ZFAND3: variants seen among roughly 807,000 people sequenced by gnomAD.
The protein encoded by ZFAND3 is AN1-type zinc finger protein 3.
Under a neutral mutation model 29.6 loss-of-function variants are expected in ZFAND3, and 10 were observed. The observed-to-expected ratio is 0.34, with a 90% CI of 0.21 to 0.57. ZFAND3 has a LOEUF of 0.57. Among genes scored for constraint, ZFAND3 ranks in the 20% least tolerant of loss-of-function variants. ZFAND3 has a pLI of 0.86. For synonymous variants in ZFAND3, 128 were observed against 112.6 expected (o/e 1.14, Z -0.87); for missense variants, 230 against 304.5 (o/e 0.76, Z 1.82).
intron 2 of ZFAND3, among the ~76,000 whole-genome samples, chr6:37,979,409 G>C (rs895541940): frequency 6.6e-6 from 1 of 152,184 alleles, no homozygotes; most frequent in African/African-American, 2.4e-5. Flanking sequence ...TTCTGTAAAT[G>C]TACAAATCTT....
chr6:38,144,111 G>A (rs1386373292), intron 5 of ZFAND3, among the ~76,000 whole-genome samples: 1 of 147,166 alleles, frequency 6.8e-6, no homozygotes, highest in African/African-American at 2.5e-5. Flanking sequence ...TTACATATGA[G>A]CTATGAGGTC....
At chr6:38,141,598 A>G (rs766098035) in intron 5 of ZFAND3, among the ~76,000 whole-genome samples, 21 of 152,240 alleles carry the variant, frequency 1.4e-4, no homozygotes, top group Non-Finnish European at 1.5e-4. Context: ...GTCTGTAAAG[A>G]CAGGCTTGTG....
At chr6:38,030,894 C>A (rs1763546782) in intron 2 of ZFAND3, among the ~76,000 whole-genome samples, 1 of 152,080 alleles carries the variant, frequency 6.6e-6, no homozygotes, top group Admixed American at 6.5e-5. Flanking sequence ...TGAAAACTAA[C>A]AATTCTAGTG....
At chr6:37,892,134 AATC>A (rs1259257553) in intron 1 of ZFAND3, among the ~76,000 whole-genome samples, 1 of 152,236 alleles carries the variant, frequency 6.6e-6, no homozygotes, top group Non-Finnish European at 1.5e-5. Flanking sequence ...AAATAATACA[AATC>A]ATTTTCTCTG....
intron 2 of ZFAND3, among the ~76,000 whole-genome samples, chr6:38,045,399 C>T (rs1479704235): frequency 2.6e-5 from 4 of 151,904 alleles, no homozygotes; most frequent in African/African-American, 7.3e-5. Context: ...ATTCCTATGT[C>T]GAAATTCTAA....
chr6:38,066,430 A>G (rs933933179), intron 3 of ZFAND3, among the ~76,000 whole-genome samples: 8 of 152,334 alleles, frequency 5.3e-5, no homozygotes, highest in Middle Eastern at 3.4e-3. Context: ...CCAGAATTTC[A>G]TCTGTGGGTT....
chr6:38,139,331 C>T (rs1765902770), intron 5 of ZFAND3, among the ~76,000 whole-genome samples: 1 of 152,098 alleles, frequency 6.6e-6, no homozygotes, highest in Admixed American at 6.5e-5. Flanking sequence ...TGATAAATTA[C>T]AGAAGCATGG....
intron 2 of ZFAND3, among the ~76,000 whole-genome samples, chr6:37,943,090 T>C (rs951878324): frequency 6.6e-6 from 1 of 152,086 alleles, no homozygotes; most frequent in African/African-American, 2.4e-5. Flanking sequence ...GAGTATCATG[T>C]TGAAAAAAAA....
intron 5 of ZFAND3, among the ~76,000 whole-genome samples, chr6:38,140,301 A>G (rs1765922929): frequency 6.6e-6 from 1 of 152,270 alleles, no homozygotes; most frequent in South Asian, 2.1e-4. Context: ...GGATTAAGAC[A>G]AAAAGAAGGT....
intron 1 of ZFAND3, among the ~76,000 whole-genome samples, chr6:37,917,599 G>A (rs1472266760): frequency 6.6e-6 from 1 of 152,066 alleles, no homozygotes; most frequent in East Asian, 1.9e-4. Flanking sequence ...TTTTTTGCTG[G>A]GGGTTATAAC....
In ZFAND3 at chr6:38,144,232, T is replaced by TATA. The variant is rs147631639; in HGVS notation, c.530-8003_530-8002insATA. On this transcript the variant is annotated intron_variant, in intron 5 of 5. Coordinates refer to ENST00000287218, the MANE Select transcript of ZFAND3 (RefSeq NM_021943.3). ...ATATAATATATAATATATATATATA[T>TATA]TTTTTTTTTAATAAGGTTGCTTGAT... Among the ~76,000 whole-genome samples, 38 of 48,278 alleles carry TATA rather than the reference T, an allele frequency of 7.9e-4. 1 individual carries two copies. The highest frequency in any genetic ancestry group is 1.7e-3 in the African/African-American group (14 of 8,060). 31.7% of individuals were successfully genotyped at this position (48,278 alleles called of 152,430 possible). A position where few individuals can be genotyped will look rare whatever the true frequency, so the allele number is the denominator to read the frequency against.
chr6:37,898,694 A>G (rs1765263376), intron 1 of ZFAND3, among the ~76,000 whole-genome samples: 1 of 152,156 alleles, frequency 6.6e-6, no homozygotes, highest in African/African-American at 2.4e-5. Flanking sequence ...GGTATTTGAT[A>G]TCTTTTGATA....
chr6:37,898,067 G>A (rs1286323145), intron 1 of ZFAND3, among the ~76,000 whole-genome samples: 1 of 151,858 alleles, frequency 6.6e-6, no homozygotes, highest in African/African-American at 2.4e-5. Context: ...ATCTATCATT[G>A]TTTTATGTGG....
intron 2 of ZFAND3, among the ~76,000 whole-genome samples, chr6:37,962,978 C>T (rs983202232): frequency 1.3e-5 from 2 of 152,012 alleles, no homozygotes; most frequent in Admixed American, 6.5e-5. Flanking sequence ...CTACATGTAA[C>T]GCTCACTGCA....
At chr6:37,881,852 TAAAA>T (rs113626194) in intron 1 of ZFAND3, among the ~76,000 whole-genome samples, 35 of 145,012 alleles carry the variant, frequency 2.4e-4, no homozygotes, top group African/African-American at 8.6e-4. Flanking sequence ...CAATTTTAGT[TAAAA>T]AAAAAAACAT....
intron 1 of ZFAND3, among the ~76,000 whole-genome samples, chr6:37,868,540 A>G (rs1363777511): frequency 6.6e-6 from 1 of 152,176 alleles, no homozygotes; most frequent in East Asian, 1.9e-4. Flanking sequence ...TGAAAGGAGC[A>G]TTACATGCTG....
At chr6:37,968,221 A>C (rs561029582) in intron 2 of ZFAND3, among the ~76,000 whole-genome samples, 9 of 152,246 alleles carry the variant, frequency 5.9e-5, no homozygotes, top group African/African-American at 2.2e-4. Context: ...AAGTTTTACT[A>C]TTCTGTAGAG....
chr6:37,830,726 G>C (rs1763844610), intron 1 of ZFAND3, among the ~76,000 whole-genome samples: 1 of 151,800 alleles, frequency 6.6e-6, no homozygotes, highest in Non-Finnish European at 1.5e-5. Flanking sequence ...CCATTCCTTG[G>C]GATTGATTTT....
Position 37,819,865 on chromosome 6 carries a change from C to T in ZFAND3, c.-81C>T, listed in dbSNP as rs1292364002. Reference sequence around the variant, plus strand: ...CCCGCCCCGAGCCCCCCGACGCCGCCGCCACCGCCTCCTCAGAGCGGGGCC... The same window carrying T: ...CCCGCCCCGAGCCCCCCGACGCCGCTGCCACCGCCTCCTCAGAGCGGGGCC... On this transcript the variant is annotated 5_prime_UTR_variant, in exon 1 of 6. Coordinates refer to ENST00000287218, the MANE Select transcript of ZFAND3 (RefSeq NM_021943.3). 1.9e-6 allele frequency: 2 copies of T among 1,071,752 alleles called. No individual in the cohort carries two copies. The allele number at this position is 1,071,752 out of a possible 1,614,324, so 66.4% of individuals were successfully genotyped here.
Sources: allele counts gnomAD v4.1 joint callset (sites outside exome capture counted in the v4.1 genomes callset), GRCh38; gene constraint gnomAD v4.1.1; transcripts MANE v1.5; gene names NCBI Gene and HGNC (gene_info 2026-07-23, HGNC 2026-07-21).